Variants in OIT3 observed in about 807,000 individuals in gnomAD.
OIT3 encodes the protein oncoprotein induced transcript 3.
A neutral mutation model predicts 52.2 loss-of-function variants in OIT3; 41 were observed. The ratio of observed to expected loss-of-function variants is 0.79; its 90% confidence interval spans 0.61 to 1.02. The LOEUF (loss-of-function observed/expected upper bound fraction) is 1.02. Among genes scored for constraint, OIT3 ranks in the 50% least tolerant of loss-of-function variants. The probability of loss-of-function intolerance (pLI) is 0.00; values close to 1 mark genes in which losing one functional copy is unlikely to be tolerated. For synonymous variants in OIT3, 244 were observed against 276.9 expected (o/e 0.88, Z 1.18); for missense variants, 634 against 715.5 (o/e 0.89, Z 1.30).
chr10:72,913,230 G>A (rs553798538), intron 5 of OIT3, 78 bp from the exon 6 acceptor site: 29 of 1,223,554 alleles, frequency 2.4e-5, no homozygotes, highest in Non-Finnish European at 3.3e-5. Flanking sequence ...GGTTGTGTGA[G>A]GGTGAAATTA....
rs780018350 is a variant in OIT3 at position 72,932,468 on chromosome 10, G to T, written c.1582G>T (p.Gly528Cys). 1 of 1,613,874 alleles carries T rather than the reference G, an allele frequency of 6.2e-7. No homozygotes were observed. The highest frequency in any genetic ancestry group is 8.5e-7 in the Non-Finnish European group (1 of 1,179,890). ...TGGGGCAGGAGGAGAGGACTCAGCC[G>T]GTCTACAGGGCCAGACGCTAACAGG... Reference protein sequence around the residue: ...RRGAGGEDSAGLQGQTLTGGP... With the variant: ...RRGAGGEDSACLQGQTLTGGP... Residue 528 changes from glycine (G) to cysteine (C), a missense_variant, in exon 9 of 9, where the codon GGT becomes TGT. Physicochemically the swap from Gly to Cys is radical, Grantham distance 159. Transcript: ENST00000334011.
intron 1 of OIT3, among the ~76,000 whole-genome samples, chr10:72,895,844 G>A (rs1021181502): frequency 6.6e-6 from 1 of 152,106 alleles, no homozygotes; most frequent in African/African-American, 2.4e-5. Context: ...TGAAGCCTTC[G>A]CACTGAGATG....
intron 1 of OIT3, among the ~76,000 whole-genome samples, chr10:72,895,362 A>AGG: frequency 6.6e-6 from 1 of 152,086 alleles, no homozygotes; most frequent in African/African-American, 2.4e-5. Flanking sequence ...TTCTTTCCAT[A>AGG]TACCATCGCC....
At position 72,925,787 on chromosome 10, in the gene OIT3, T is replaced by C. The variant is rs561635914; in HGVS notation, c.1367+1143T>C. The stretch of plus-strand genomic sequence containing the variant: ...ACCATGCCCAGCTAATTCTTTTTTT[T>C]CTAGAGACGAGGTCTCACTTTGTTG... On this transcript the variant is annotated intron_variant, in intron 7 of 8. Coordinates refer to ENST00000334011, the MANE Select transcript of OIT3 (RefSeq NM_152635.3). Among the ~76,000 whole-genome samples the C allele has an allele frequency of 5.9e-5, 9 of 152,284 alleles. No individual in the cohort carries two copies. The South Asian group carries it at 1.7e-3, about 28-fold the overall frequency.
chr10:72,921,757 T>G (rs1846123807), intron 6 of OIT3, among the ~76,000 whole-genome samples: 1 of 151,632 alleles, frequency 6.6e-6, no homozygotes, highest in African/African-American at 2.4e-5. Flanking sequence ...ATGCAACCTC[T>G]GCCTCCCAGG....
intron 5 of OIT3, among the ~76,000 whole-genome samples, chr10:72,912,241 A>C (rs1846035207): frequency 6.7e-6 from 1 of 149,546 alleles, no homozygotes; most frequent in African/African-American, 2.5e-5. Context: ...TCCTCTGAGA[A>C]TTATTTTCTG....
chr10:72,911,655 G>T, intron 4 of OIT3, 62 bp from the exon 5 acceptor site: 2 of 1,563,280 alleles, frequency 1.3e-6, no homozygotes, highest in Non-Finnish European at 1.7e-6. Flanking sequence ...GATGCAAAGT[G>T]CCAGAATTCT....
chr10:72,899,695 T>C (rs1260298061), intron 2 of OIT3, among the ~76,000 whole-genome samples: 1 of 141,930 alleles, frequency 7.0e-6, no homozygotes, highest in Non-Finnish European at 1.5e-5. Flanking sequence ...CTTTTTAAGA[T>C]AGATAGATGA....
chr10:72,919,697 T>G (rs1230736572), intron 6 of OIT3, among the ~76,000 whole-genome samples: 1 of 152,198 alleles, frequency 6.6e-6, no homozygotes, highest in Non-Finnish European at 1.5e-5. Flanking sequence ...CTGCATCTGT[T>G]GAGATAATCA....
At chr10:72,928,762 A>G (rs1427215573) in intron 7 of OIT3, among the ~76,000 whole-genome samples, 1 of 152,220 alleles carries the variant, frequency 6.6e-6, no homozygotes, top group Non-Finnish European at 1.5e-5. Context: ...GTAAATAAAT[A>G]CAAGAAATAA....
At chr10:72,906,783 T>C (rs1845983625) in intron 4 of OIT3, 65 bp downstream of exon 4, 1 of 1,464,820 alleles carries the variant, frequency 6.8e-7, no homozygotes, top group Non-Finnish European at 9.1e-7. Context: ...TATTCTCTGA[T>C]GTTCAGGAAA....
chr10:72,932,490 C>T lies in OIT3; in HGVS notation c.1604C>T (p.Thr535Ile), dbSNP rs1287468632. ...GCCGGTCTACAGGGCCAGACGCTAACAGGCGGCCCGATCCGCATCGACTGG... is the reference window on the plus strand; with the variant it reads ...GCCGGTCTACAGGGCCAGACGCTAATAGGCGGCCCGATCCGCATCGACTGG... The part of the protein sequence containing the change: ...DSAGLQGQTL[T>I]GGPIRIDWED Residue 535 changes from threonine (T) to isoleucine (I), a missense_variant, in exon 9 of 9, where the codon ACA becomes ATA. Transcript: ENST00000334011. 2.5e-6 allele frequency: 4 copies of T among 1,612,188 alleles called. No individual in the cohort carries two copies. Among genetic ancestry groups the T allele is most frequent in the Non-Finnish European group, 3.4e-6 (4 of 1,179,146 alleles).
At chr10:72,915,515 T>G (rs1485283355) in intron 6 of OIT3, among the ~76,000 whole-genome samples, 2 of 152,226 alleles carry the variant, frequency 1.3e-5, no homozygotes, top group Non-Finnish European at 2.9e-5. Context: ...TGTGTGTGTT[T>G]CTGTTTAAAG....
At position 72,898,780 on chromosome 10, in the gene OIT3, T is replaced by C; in HGVS notation, c.178T>C (p.Tyr60His). ...LCDNHVNGEW[Y>H]HFTGMAGDAM... ...TGACAACCATGTGAATGGGGAGTGG[T>C]ACCACTTCACGGGCATGGCGGGAGA... Residue 60 changes from tyrosine (Y) to histidine (H), a missense_variant, in exon 2 of 9, where the codon TAC (tyrosine) becomes CAC (histidine). Tyr to His is a moderately conservative substitution (Grantham distance 83). Coordinates refer to ENST00000334011, the MANE Select transcript of OIT3 (RefSeq NM_152635.3). 2 of 1,614,128 alleles carry C rather than the reference T, an allele frequency of 1.2e-6. No homozygotes were observed. The highest frequency in any genetic ancestry group is 1.7e-6 in the Non-Finnish European group (2 of 1,180,014).
rs560591893 is a variant in OIT3, at chr10:72,894,858, A to G, written c.61+999A>G. ...AGCCGAGATCGAACCACTGCACTCC[A>G]GCCTGGGCAACAGAGGGAGACTCCA... On this transcript the variant is annotated intron_variant, in intron 1 of 8. Coordinates refer to ENST00000334011, the MANE Select transcript of OIT3 (RefSeq NM_152635.3). Among the ~76,000 whole-genome samples, 3 of 152,274 alleles carry G rather than the reference A, an allele frequency of 2.0e-5. No homozygotes were observed. In the East Asian group the frequency reaches 5.8e-4, roughly 29 times the overall value.
chr10:72,899,241 G>C (rs1482565016), intron 2 of OIT3, among the ~76,000 whole-genome samples: 1 of 152,214 alleles, frequency 6.6e-6, no homozygotes, highest in Non-Finnish European at 1.5e-5. Flanking sequence ...GGGGAAAGGA[G>C]CTATGACTTT....
At chr10:72,918,026 G>GTCA (rs368236923) in intron 6 of OIT3, 584 of 818,300 alleles carry the variant, frequency 7.1e-4, no homozygotes, top group African/African-American at 6.8e-3. Context: ...CTTCTTCATC[G>GTCA]TCATCATCAT....
At chr10:72,926,519 T>C (rs895066691) in intron 7 of OIT3, among the ~76,000 whole-genome samples, 1 of 152,224 alleles carries the variant, frequency 6.6e-6, no homozygotes, top group Non-Finnish European at 1.5e-5. Flanking sequence ...AAACAAAATA[T>C]GATCTTGTCA....
intron 7 of OIT3, among the ~76,000 whole-genome samples, chr10:72,928,599 C>T (rs1381574345): frequency 6.6e-6 from 1 of 152,144 alleles, no homozygotes; most frequent in Non-Finnish European, 1.5e-5. Context: ...GGACTGTAAA[C>T]TCCTTGACGT....
Sources: allele counts gnomAD v4.1 joint callset (sites outside exome capture counted in the v4.1 genomes callset), GRCh38; gene constraint gnomAD v4.1.1; transcripts MANE v1.5; gene names NCBI Gene and HGNC (gene_info 2026-07-23, HGNC 2026-07-21).